Variants in ZFHX3 observed in about 807,000 individuals in gnomAD.
The protein encoded by ZFHX3 is zinc finger homeobox 3.
A neutral mutation model predicts 279.1 loss-of-function variants in ZFHX3; 42 were observed. The ratio of observed to expected loss-of-function variants is 0.15; its 90% CI spans 0.12 to 0.19. The LOEUF is 0.19. Ranked by LOEUF, ZFHX3 falls within the 10% of genes least tolerant of loss-of-function variation. The probability of loss-of-function intolerance (pLI) is 1.00; values close to 1 mark genes in which losing one functional copy is unlikely to be tolerated. For missense variants in ZFHX3, 4,981 were observed against 4,754.0 expected (o/e 1.05, Z -1.40); for synonymous variants, 2,293 against 1,957.8 (o/e 1.17, Z -4.52).
chr16:73,228,199 A>G (rs975607928), intron 5 of ZFHX3, among the ~76,000 whole-genome samples: 1 of 152,208 alleles, frequency 6.6e-6, no homozygotes, highest in South Asian at 2.1e-4. Context: ...CACATTACAT[A>G]TGGCTTTTGC....
intron 3 of ZFHX3, among the ~76,000 whole-genome samples, chr16:72,908,244 T>A (rs998514569): frequency 6.6e-6 from 1 of 152,004 alleles, no homozygotes; most frequent in Non-Finnish European, 1.5e-5. Context: ...AGTGAGAACA[T>A]GGGAATGGGA....
chr16:73,795,012 G>A lies in ZFHX3; in HGVS notation c.-1608+96639C>T, dbSNP rs147613774. Among the ~76,000 whole-genome samples, 442 of 152,198 alleles carry A rather than the reference G, an allele frequency of 2.9e-3. 1 individual carries two copies. Among genetic ancestry groups the A allele is most frequent in the Non-Finnish European group, 4.7e-3 (321 of 68,000 alleles). On this transcript the variant is annotated intron_variant, in intron 1 of 17. Transcript: ENST00000641206. Reference sequence around the variant, plus strand: ...AGGACTGGTTGGCTGCACTTTTATCGGCAACAAAACAATCAGCTCTTGGAA... The same window carrying A: ...AGGACTGGTTGGCTGCACTTTTATCAGCAACAAAACAATCAGCTCTTGGAA...
chr16:73,246,691 C>A (rs951969205), intron 5 of ZFHX3, among the ~76,000 whole-genome samples: 1 of 152,208 alleles, frequency 6.6e-6, no homozygotes, highest in Non-Finnish European at 1.5e-5. Flanking sequence ...AGCAAGTCTA[C>A]ATATTCTTTA....
In ZFHX3 at chr16:72,793,952, A is replaced by G; in HGVS notation, c.8730T>C (p.Gly2910=). 1 of 1,614,156 alleles carries G rather than the reference A, an allele frequency of 6.2e-7. No homozygotes were observed. The highest frequency in any genetic ancestry group is 8.5e-7 in the Non-Finnish European group (1 of 1,180,026). Residue 2910 remains glycine (G), a synonymous_variant, in exon 9 of 10, where the codon GGT becomes GGC. Transcript: ENST00000268489. The surrounding 1 kb of genome is among the most constrained non-coding windows in gnomAD (Gnocchi z 4.3). ...SFYSKEYDNE[G]TVDYSETSSL... is the part of the protein sequence containing the mutation. ...TTGAGGTTTCACTGTAGTCCACTGT[A>G]CCTTCATTGTCATATTCCTTGCTAT...
At chr16:72,975,089 G>A (rs1304817307) in intron 1 of ZFHX3, among the ~76,000 whole-genome samples, 1 of 152,126 alleles carries the variant, frequency 6.6e-6, no homozygotes, top group East Asian at 1.9e-4. Context: ...GACTGAAGGG[G>A]GCATGGATTC....
intron 3 of ZFHX3, among the ~76,000 whole-genome samples, chr16:72,949,911 C>CTT (rs774934563): frequency 0.03 from 3,518 of 115,982 alleles, 175 homozygotes; most frequent in African/African-American, 0.083. Context: ...ATTTTCTTTT[C>CTT]TTTTTTTTTT....
rs2017805459 is a variant in ZFHX3, at chr16:73,426,093, G to A, written c.-1291+29910C>T. ...CACACCTCAGTGGGTACTAACTGGT[G>A]AGTCCCAGCTGGTGTGCACTGGGCC... On this transcript the variant is annotated intron_variant, in intron 3 of 17. Coordinates refer to the ZFHX3 transcript ENST00000641206. Among the ~76,000 whole-genome samples the A allele has an allele frequency of 2.6e-5, 4 of 152,168 alleles. No individual in the cohort carries two copies. In the South Asian group the frequency reaches 8.3e-4, roughly 32 times the overall value.
At chr16:73,380,349 C>G (rs11642532) in intron 3 of ZFHX3, among the ~76,000 whole-genome samples, 47,822 of 152,006 alleles carry the variant, frequency 0.31, 9,557 homozygotes, top group Non-Finnish European at 0.45. Context: ...CAGAGGGAAT[C>G]CAAGATTTTT....
chr16:73,204,071 A>T (rs1373951926), intron 5 of ZFHX3, among the ~76,000 whole-genome samples: 5 of 152,062 alleles, frequency 3.3e-5, no homozygotes, highest in Non-Finnish European at 7.4e-5. Context: ...GTAAATAAAC[A>T]GTTGGTTTTT....
At chr16:73,166,836 G>A (rs1967384156) in intron 5 of ZFHX3, among the ~76,000 whole-genome samples, 1 of 152,166 alleles carries the variant, frequency 6.6e-6, no homozygotes, top group Admixed American at 6.5e-5. Context: ...CCTTTTCAGA[G>A]TCACCTGAGG....
chr16:73,633,269 G>C (rs1235087726), intron 2 of ZFHX3, among the ~76,000 whole-genome samples: 1 of 152,148 alleles, frequency 6.6e-6, no homozygotes, highest in Non-Finnish European at 1.5e-5. Context: ...TTTTAAAAGG[G>C]ATAGATAATT....
At chr16:73,204,606 C>T (rs1295828404) in intron 5 of ZFHX3, among the ~76,000 whole-genome samples, 3 of 152,176 alleles carry the variant, frequency 2.0e-5, no homozygotes, top group Admixed American at 2.0e-4. Flanking sequence ...TCACCTCCTG[C>T]TGTGTGACCT....
rs1412832931 is a variant in ZFHX3 at position 72,961,586 on chromosome 16, G to A, written c.-49-1392C>T. Among the ~76,000 whole-genome samples, 8 of 150,714 alleles carry A rather than the reference G, an allele frequency of 5.3e-5. No homozygotes were observed. In the East Asian group the frequency reaches 1.6e-3, roughly 29 times the overall value. On this transcript the variant is annotated intron_variant, in intron 1 of 9. Coordinates refer to ENST00000268489, the MANE Select transcript of ZFHX3 (RefSeq NM_006885.4). ...CTCAGCCGGTGAAGGTTTCGGCCAG[G>A]TTTGATCTCACTTCCCTCCCTGACA...
At chr16:73,566,565 T>C (rs1440327396) in intron 2 of ZFHX3, among the ~76,000 whole-genome samples, 3 of 152,116 alleles carry the variant, frequency 2.0e-5, no homozygotes. Context: ...TATGTGGTTT[T>C]CCCCAGTGTC....
At chr16:73,654,602 AG>A (rs2052703842) in intron 2 of ZFHX3, among the ~76,000 whole-genome samples, 1 of 152,130 alleles carries the variant, frequency 6.6e-6, no homozygotes, top group Non-Finnish European at 1.5e-5. Context: ...CAATTTAAAA[AG>A]GTAATACAGC....
upstream of ZFHX3, chr16:73,061,602 A>T (rs908290382): frequency 6.6e-6 from 1 of 152,122 alleles, no homozygotes; most frequent in African/African-American, 2.4e-5. Flanking sequence ...GACTGAAGGA[A>T]GACTGGTAAA....
intron 4 of ZFHX3, among the ~76,000 whole-genome samples, chr16:73,312,353 G>C (rs769766903): frequency 7.9e-5 from 12 of 151,878 alleles, no homozygotes; most frequent in Non-Finnish European, 1.5e-4. Flanking sequence ...GATGAGAACT[G>C]ATCACTTATC....
At chr16:73,477,026 G>A (rs137921730) in intron 2 of ZFHX3, among the ~76,000 whole-genome samples, 1 of 152,226 alleles carries the variant, frequency 6.6e-6, no homozygotes, top group Non-Finnish European at 1.5e-5. Context: ...TTAAGTGTAG[G>A]CACTACATGT....
At chr16:73,706,456 CA>C (rs59244758) in intron 1 of ZFHX3, among the ~76,000 whole-genome samples, 104,944 of 129,734 alleles carry the variant, frequency 0.81, 43,838 homozygotes, top group Non-Finnish European at 0.93. Context: ...AACTCTATCT[CA>C]AAAAAAAAAA....
Sources: gnomAD v4.1 joint callset for allele counts (sites outside exome capture counted in the v4.1 genomes callset) on GRCh38, gnomAD v4.1.1 for gene constraint, Gnocchi (gnomAD v3.1) non-coding constraint, MANE v1.5 for transcripts, NCBI Gene and HGNC (gene_info 2026-07-23, HGNC 2026-07-21) for gene names.